The following NRXN1 variants were observed in gnomAD, a reference collection of about 807,000 sequenced individuals.
NRXN1 encodes neurexin-1.
Under a neutral mutation model 150.9 loss-of-function variants are expected in NRXN1, and 39 were observed. The observed-to-expected ratio is 0.26, with a 90% CI of 0.20 to 0.34. The LOEUF (loss-of-function observed/expected upper bound fraction) is 0.34. NRXN1 is among the 10% of genes least tolerant of loss of function. NRXN1 has a pLI of 1.00. For synonymous variants in NRXN1, 924 were observed against 757.0 expected (o/e 1.22, Z -3.62); for missense variants, 1,815 against 1,949.9 (o/e 0.93, Z 1.30).
chr2:50,420,939 T>C (rs891804342), intron 17 of NRXN1, among the ~76,000 whole-genome samples: 3 of 150,586 alleles, frequency 2.0e-5, no homozygotes, highest in Non-Finnish European at 3.0e-5. Context: ...CATCTGGTCC[T>C]GGTCACCCTA....
chr2:50,425,517 G>T (rs1228207592), intron 17 of NRXN1, among the ~76,000 whole-genome samples: 1 of 152,148 alleles, frequency 6.6e-6, no homozygotes, highest in Non-Finnish European at 1.5e-5. Flanking sequence ...GGCAGGTAGA[G>T]GCAGAGATGG....
chr2:50,226,501 A>G lies in NRXN1; in HGVS notation c.3546+10288T>C, dbSNP rs150551603. Reference sequence around the variant, plus strand: ...AAGGAGGTAGAAGAGAAAGAAGAAGAAGGAGGAGAGGAGAAGCACAAGGAG... The same window carrying G: ...AAGGAGGTAGAAGAGAAAGAAGAAGGAGGAGGAGAGGAGAAGCACAAGGAG... On this transcript the variant is annotated intron_variant, in intron 18 of 22. Coordinates refer to ENST00000401669, the MANE Select transcript of NRXN1 (RefSeq NM_001330078.2). Among the ~76,000 whole-genome samples the G allele has an allele frequency of 7.7e-3, 1,176 of 152,064 alleles. 14 individuals are homozygous for G. Among genetic ancestry groups the G allele is most frequent in the African/African-American group, 0.027 (1,102 of 41,532 alleles).
At chr2:50,706,624 T>C (rs529082433) in intron 5 of NRXN1, among the ~76,000 whole-genome samples, 1 of 152,234 alleles carries the variant, frequency 6.6e-6, no homozygotes, top group East Asian at 1.9e-4. Flanking sequence ...CTGAAAACAC[T>C]ATTAAATATT....
intron 5 of NRXN1, among the ~76,000 whole-genome samples, chr2:50,753,812 TGA>T (rs1458688891): frequency 6.6e-6 from 1 of 151,736 alleles, no homozygotes; most frequent in East Asian, 2.0e-4. Context: ...AATCCCTAAG[TGA>T]GAGAATTTTT....
intron 15 of NRXN1, among the ~76,000 whole-genome samples, chr2:50,479,974 G>C (rs553681938): frequency 6.6e-6 from 1 of 151,716 alleles, no homozygotes; most frequent in African/African-American, 2.4e-5. Flanking sequence ...GGGTTTCACC[G>C]CGTTGGCCAG....
intron 2 of NRXN1, among the ~76,000 whole-genome samples, chr2:50,950,117 G>A (rs1051450294): frequency 6.6e-6 from 1 of 152,110 alleles, no homozygotes; most frequent in African/African-American, 2.4e-5. Context: ...TGCTCTCAAA[G>A]CTTTTCCACT....
At chr2:50,167,101 T>C (rs2059736224) in intron 18 of NRXN1, among the ~76,000 whole-genome samples, 1 of 152,146 alleles carries the variant, frequency 6.6e-6, no homozygotes, top group Non-Finnish European at 1.5e-5. Flanking sequence ...GATGGCTTTA[T>C]GGAAAAGTGG....
At chr2:50,856,253 T>C (rs1675259486) in intron 5 of NRXN1, among the ~76,000 whole-genome samples, 1 of 151,984 alleles carries the variant, frequency 6.6e-6, no homozygotes, top group African/African-American at 2.4e-5. Context: ...GAGTCAACTA[T>C]GGATGAGGAC....
At chr2:50,229,937 T>C (rs570430572) in intron 18 of NRXN1, among the ~76,000 whole-genome samples, 1 of 152,208 alleles carries the variant, frequency 6.6e-6, no homozygotes, top group Admixed American at 6.6e-5. Flanking sequence ...CTAAAGCCAC[T>C]CATCACTGGC....
chr2:50,647,541 T>C lies in NRXN1; in HGVS notation c.833-23926A>G, dbSNP rs372011980. Reference sequence around the variant, plus strand: ...ATAATCACACAAGCACGTGGTATCCTAACTAGTGGAAATGCAAAGTAGCGC... The same window carrying C: ...ATAATCACACAAGCACGTGGTATCCCAACTAGTGGAAATGCAAAGTAGCGC... On this transcript the variant is annotated intron_variant, in intron 5 of 22. Coordinates refer to ENST00000401669, the MANE Select transcript of NRXN1 (RefSeq NM_001330078.2). 1.4e-4 allele frequency among the ~76,000 whole-genome samples: 21 copies of C among 151,918 alleles called. No homozygotes were observed. The East Asian group carries it at 1.9e-3, about 14-fold the overall frequency.
intron 18 of NRXN1, among the ~76,000 whole-genome samples, chr2:50,170,485 C>T (rs759891211): frequency 6.6e-6 from 1 of 151,962 alleles, no homozygotes; most frequent in Non-Finnish European, 1.5e-5. Flanking sequence ...TTACTAGAGA[C>T]AGGGTTTCAC....
At chr2:50,961,582 T>A (rs554126552) in intron 2 of NRXN1, among the ~76,000 whole-genome samples, 1 of 151,882 alleles carries the variant, frequency 6.6e-6, no homozygotes, top group African/African-American at 2.4e-5. Context: ...TACTTAAATC[T>A]AGGAAGTTAA....
intron 5 of NRXN1, among the ~76,000 whole-genome samples, chr2:50,690,172 T>C (rs1691869445): frequency 6.6e-6 from 1 of 152,186 alleles, no homozygotes. Context: ...CTAAACAGAA[T>C]GCCGTGATGT....
intron 5 of NRXN1, among the ~76,000 whole-genome samples, chr2:50,848,385 C>T (rs1416155926): frequency 6.6e-6 from 1 of 152,118 alleles, no homozygotes; most frequent in Non-Finnish European, 1.5e-5. Flanking sequence ...AAGTTATTCT[C>T]CAATGGGTCA....
rs114718294 is a variant in NRXN1 at position 50,788,516 on chromosome 2, G to C, written c.832+133353C>G. Among the ~76,000 whole-genome samples, 157 of 152,082 alleles carry C rather than the reference G, an allele frequency of 1.0e-3. 1 individual carries two copies. The highest frequency in any genetic ancestry group is 3.6e-3 in the African/African-American group (151 of 41,510). The stretch of plus-strand genomic sequence containing the variant: ...GGACAAGGACAAGGTCATCAGTTTT[G>C]GGTGATAACTTCTGTAATATCATAA... On this transcript the variant is annotated intron_variant, in intron 5 of 22. Transcript: ENST00000401669.
chr2:50,467,366 C>A (rs141464670), intron 16 of NRXN1, among the ~76,000 whole-genome samples: 1 of 151,260 alleles, frequency 6.6e-6, no homozygotes, highest in Non-Finnish European at 1.5e-5. Context: ...AGTAAATAAA[C>A]ATATAGGTTT....
intron 17 of NRXN1, among the ~76,000 whole-genome samples, chr2:50,270,754 C>A (rs1439152488): frequency 1.3e-5 from 2 of 151,630 alleles, no homozygotes; most frequent in Non-Finnish European, 2.9e-5. Context: ...ACTGCAACCT[C>A]CACCTCCCGG....
rs1667893000 is a variant in NRXN1 at position 49,919,821 on chromosome 2, G to T, written c.*2123C>A. 1 of 152,076 alleles carries T rather than the reference G, an allele frequency of 6.6e-6. No individual in the cohort carries two copies. Among genetic ancestry groups the T allele is most frequent in the Non-Finnish European group, 1.5e-5 (1 of 67,976 alleles). 9.4% of individuals were successfully genotyped at this position (152,076 alleles called of 1,614,324 possible). ...AATTACTTGGCAACCATAGATAGTG[G>T]TGATTTGCTATGAATTATACATATT... is the stretch of plus-strand genomic sequence containing the variant. On this transcript the variant is annotated 3_prime_UTR_variant, in exon 23 of 23. Transcript: ENST00000401669.
intron 12 of NRXN1, among the ~76,000 whole-genome samples, chr2:50,508,265 A>G (rs1425854438): frequency 6.6e-6 from 1 of 152,186 alleles, no homozygotes; most frequent in Non-Finnish European, 1.5e-5. Context: ...CTTTAGAGAA[A>G]TTAAATTACA....
Sources: gnomAD v4.1 joint callset for allele counts (sites outside exome capture counted in the v4.1 genomes callset) on GRCh38, gnomAD v4.1.1 for gene constraint, MANE v1.5 for transcripts, NCBI Gene and HGNC (gene_info 2026-07-23, HGNC 2026-07-21) for gene names.